The following SEMA6A variants were observed in gnomAD, a reference collection of about 807,000 sequenced individuals.
The protein encoded by SEMA6A is semaphorin-6A.
SEMA6A carries 25 observed loss-of-function variants against 96.8 expected under a neutral mutation model. That is an observed-to-expected ratio of 0.26 (90% CI 0.19 to 0.36). The LOEUF is 0.36. Among genes scored for constraint, SEMA6A ranks in the 10% least tolerant of loss-of-function variants. The pLI is 1.00. For missense variants in SEMA6A, 1,363 were observed against 1,323.1 expected (o/e 1.03, Z -0.47); for synonymous variants, 612 against 518.0 (o/e 1.18, Z -2.46).
chr5:116,551,032 C>T (rs1760381614), intron 1 of SEMA6A, among the ~76,000 whole-genome samples: 1 of 152,146 alleles, frequency 6.6e-6, no homozygotes, highest in Non-Finnish European at 1.5e-5. Context: ...CATTTAACAA[C>T]TAACACTGCA....
chr5:116,563,046 T>C, intron 1 of SEMA6A: 1 of 439,424 alleles, frequency 2.3e-6, no homozygotes, highest in Non-Finnish European at 4.4e-6. Context: ...ATTTTGTTAA[T>C]AAATTCCCTT....
At chr5:116,485,119 A>G (rs1025373014) in intron 10 of SEMA6A, among the ~76,000 whole-genome samples, 5 of 152,226 alleles carry the variant, frequency 3.3e-5, no homozygotes, top group Non-Finnish European at 7.3e-5. Context: ...AGGTGGGTAC[A>G]GATTACCAAA....
Position 116,488,168 on chromosome 5 carries a change from G to T in SEMA6A, c.684C>A (p.Tyr228Ter). ...TGAAGAAGAAGTAGATATAATCTCC[G>T]TAATCCACGGCTTGAACAAAGTATG... ...KEPYFVQAVD[Y>*]GDYIYFFFRE... Residue 228 changes from tyrosine to a stop codon, truncating the protein, a stop_gained, in exon 9 of 19, where the codon TAC becomes TAA. Coordinates refer to ENST00000343348, the MANE Select transcript of SEMA6A (RefSeq NM_020796.5). LOFTEE classifies it high-confidence loss of function. The T allele has an allele frequency of 1.2e-6, 2 of 1,611,404 alleles. No homozygotes were observed. Among genetic ancestry groups the T allele is most frequent in the Non-Finnish European group, 1.7e-6 (2 of 1,178,512 alleles).
At chr5:116,537,662 A>C (rs1759775681) in intron 1 of SEMA6A, among the ~76,000 whole-genome samples, 1 of 152,234 alleles carries the variant, frequency 6.6e-6, no homozygotes, top group Non-Finnish European at 1.5e-5. Context: ...ACATTAAATA[A>C]ATGTTGGTGA....
intron 1 of SEMA6A, among the ~76,000 whole-genome samples, chr5:116,560,878 A>G (rs751859483): frequency 6.6e-6 from 1 of 152,222 alleles, no homozygotes; most frequent in Non-Finnish European, 1.5e-5. Flanking sequence ...GTTGCACTAA[A>G]GCCTCAGACG....
intron 16 of SEMA6A, among the ~76,000 whole-genome samples, chr5:116,475,281 G>C (rs1030399361): frequency 1.3e-5 from 2 of 152,134 alleles, no homozygotes; most frequent in African/African-American, 4.8e-5. Context: ...TTACTGCTTT[G>C]CTACAATTAA....
chr5:116,558,173 C>A (rs1760680237), intron 1 of SEMA6A, among the ~76,000 whole-genome samples: 1 of 152,148 alleles, frequency 6.6e-6, no homozygotes, highest in Admixed American at 6.5e-5. Context: ...CCTTTTGTTA[C>A]TCAGCTTCTT....
At chr5:116,551,351 C>CACACAT (rs929415009) in intron 1 of SEMA6A, among the ~76,000 whole-genome samples, 3 of 151,398 alleles carry the variant, frequency 2.0e-5, no homozygotes, top group Non-Finnish European at 4.4e-5. Flanking sequence ...CACACACACA[C>CACACAT]ATTCTCTTTG....
At chr5:116,545,503 G>A (rs1466478527) in intron 1 of SEMA6A, among the ~76,000 whole-genome samples, 1 of 152,126 alleles carries the variant, frequency 6.6e-6, no homozygotes, top group East Asian at 1.9e-4. Flanking sequence ...CTGGGAGGTG[G>A]AGGTTGTAGT....
intron 1 of SEMA6A, among the ~76,000 whole-genome samples, chr5:116,513,980 A>G (rs192276679): frequency 6.6e-6 from 1 of 152,184 alleles, no homozygotes; most frequent in African/African-American, 2.4e-5. Context: ...TAATGGCTGC[A>G]TAGTATTCCA....
intron 9 of SEMA6A, 75 bp from the exon 10 acceptor site, chr5:116,487,041 T>G (rs1334433378): frequency 9.6e-7 from 1 of 1,040,506 alleles, no homozygotes; most frequent in Admixed American, 1.9e-5. Context: ...TCTGCATTCC[T>G]TGAAAACAGA....
At chr5:116,484,062 T>G (rs1296730374) in intron 10 of SEMA6A, among the ~76,000 whole-genome samples, 5 of 96,146 alleles carry the variant, frequency 5.2e-5, no homozygotes, top group Non-Finnish European at 9.2e-5. Context: ...AGACTCTGTC[T>G]GAAGAAAAAA....
chr5:116,478,235 C>G (rs1756564207), intron 13 of SEMA6A, 81 bp from the exon 14 acceptor site: 1 of 1,497,560 alleles, frequency 6.7e-7, no homozygotes, highest in Non-Finnish European at 9.1e-7. Flanking sequence ...ACTTCCCAGC[C>G]CACAAGGCAA....
chr5:116,461,789 T>G (rs951110132), intron 18 of SEMA6A, among the ~76,000 whole-genome samples: 1 of 152,224 alleles, frequency 6.6e-6, no homozygotes, highest in Non-Finnish European at 1.5e-5. Flanking sequence ...GGTGTGCTTT[T>G]GTGTCTACCT....
chr5:116,569,222 G>C (rs990205048), intron 1 of SEMA6A, among the ~76,000 whole-genome samples: 8 of 152,152 alleles, frequency 5.3e-5, no homozygotes, highest in African/African-American at 1.9e-4. Flanking sequence ...GGGATCAAAA[G>C]GCTTCACTGA....
intron 1 of SEMA6A, among the ~76,000 whole-genome samples, chr5:116,554,339 AT>A (rs1760527972): frequency 6.6e-6 from 1 of 152,174 alleles, no homozygotes; most frequent in Non-Finnish European, 1.5e-5. Flanking sequence ...ATCAAACTTA[AT>A]TGTATCCTGT....
chr5:116,548,375 G>A (rs1433416804), intron 1 of SEMA6A, among the ~76,000 whole-genome samples: 1 of 152,136 alleles, frequency 6.6e-6, no homozygotes, highest in African/African-American at 2.4e-5. Flanking sequence ...CTTTGGAGTG[G>A]TATATGGAGT....
intron 1 of SEMA6A, among the ~76,000 whole-genome samples, chr5:116,518,485 A>G (rs1229434672): frequency 1.3e-5 from 2 of 152,206 alleles, no homozygotes; most frequent in Non-Finnish European, 2.9e-5. Context: ...TCTCTGCCAG[A>G]CCAGAATAAG....
At chr5:116,553,514 A>C (rs748378941) in intron 1 of SEMA6A, among the ~76,000 whole-genome samples, 1 of 152,232 alleles carries the variant, frequency 6.6e-6, no homozygotes, top group Non-Finnish European at 1.5e-5. Context: ...CTGTGACAGC[A>C]GCAAATGGGG....
Sources: gnomAD v4.1 joint callset for allele counts (sites outside exome capture counted in the v4.1 genomes callset) on GRCh38, gnomAD v4.1.1 for gene constraint, MANE v1.5 for transcripts, NCBI Gene and HGNC (gene_info 2026-07-23, HGNC 2026-07-21) for gene names.